Variants in TNFSF9 observed in about 807,000 individuals in gnomAD.
The protein encoded by TNFSF9 is TNF superfamily member 9, also known as tumor necrosis factor ligand superfamily member 9.
TNFSF9 carries 10 observed loss-of-function variants against 10.3 expected under a neutral mutation model. The ratio of observed to expected loss-of-function variants is 0.97; its 90% CI spans 0.60 to 1.65. The LOEUF (loss-of-function observed/expected upper bound fraction) is 1.65. Ranked by LOEUF, TNFSF9 falls within the 40% of genes most tolerant of loss-of-function variation. The pLI, the probability that TNFSF9 is intolerant of heterozygous loss-of-function variation, is 0.00. For missense variants in TNFSF9, 361 were observed against 348.9 expected (o/e 1.03, Z -0.28); for synonymous variants, 195 against 176.1 (o/e 1.11, Z -0.85).
intron 2 of TNFSF9, among the ~76,000 whole-genome samples, chr19:6,534,320 C>T (rs1212449694): frequency 6.6e-6 from 1 of 151,536 alleles, no homozygotes. Context: ...GATTCCCTTC[C>T]TCTGTTCTAT....
chr19:6,534,479 G>GC (rs928748874), intron 2 of TNFSF9, 121 bp from the exon 3 acceptor site: 11 of 178,276 alleles, frequency 6.2e-5, no homozygotes, highest in African/African-American at 1.3e-4. Flanking sequence ...GCCATTCCCC[G>GC]CCCCCCGGCC....
intron 1 of TNFSF9, among the ~76,000 whole-genome samples, 163 bp downstream of exon 1, chr19:6,531,466 C>CG (rs1322453024): frequency 6.6e-5 from 10 of 151,948 alleles, no homozygotes; most frequent in South Asian, 4.2e-4. Context: ...GCACCGAGGC[C>CG]GGGGGGGCAC....
rs1568421049 is a variant in TNFSF9 at position 6,534,993 on chromosome 19, G to A, written c.692G>A (p.Gly231Asp). Reference sequence around the variant, plus strand: ...CGCCATGCCTGGCAGCTTACCCAGGGCGCCACAGTCTTGGGACTCTTCCGG... The same window carrying A: ...CGCCATGCCTGGCAGCTTACCCAGGACGCCACAGTCTTGGGACTCTTCCGG... The part of the protein sequence containing the change: ...RARHAWQLTQ[G>D]ATVLGLFRVT... The change falls in exon 3 of 3, where the codon GGC becomes GAC. Residue 231 changes from glycine to aspartate, a missense_variant. Transcript: ENST00000245817. The A allele has an allele frequency of 1.2e-6, 2 of 1,610,080 alleles. No homozygotes were observed. Among genetic ancestry groups the A allele is most frequent in the Non-Finnish European group, 8.5e-7 (1 of 1,178,280 alleles).
intron 2 of TNFSF9, 101 bp from the exon 3 acceptor site, chr19:6,534,499 T>G: frequency 6.1e-4 from 447 of 734,204 alleles, no homozygotes; most frequent in Non-Finnish European, 7.6e-4. Context: ...CCCTGACCCG[T>G]TCTTTTCTCC....
At position 6,531,138 on chromosome 19, in the gene TNFSF9, G is replaced by C; in HGVS notation, c.102G>C (p.Gly34=). 3 of 1,574,372 alleles carry C rather than the reference G, an allele frequency of 1.9e-6. No individual in the cohort carries two copies. Among genetic ancestry groups the C allele is most frequent in the Non-Finnish European group, 1.7e-6 (2 of 1,162,288 alleles). ...CRVLPWALVA[G]LLLLLLLAAA... ...TACTGCCTTGGGCCCTGGTCGCGGG[G>C]CTGCTGCTGCTGCTGCTGCTCGCTG... Residue 34 remains glycine (G), a synonymous_variant, in exon 1 of 3, where the codon GGG becomes GGC. Coordinates refer to ENST00000245817, the MANE Select transcript of TNFSF9 (RefSeq NM_003811.4).
rs1915137030 is a variant in TNFSF9, at chr19:6,531,166, G to T, written c.130G>T (p.Ala44Ser). ...GLLLLLLLAA[A>S]CAVFLACPWA... ...GCTGCTGCTGCTGCTGCTCGCTGCC[G>T]CCTGCGCCGTCTTCCTCGCCTGCCC... The change falls in exon 1 of 3, where the codon GCC (alanine) becomes TCC (serine). Residue 44 changes from alanine to serine, a missense_variant. Physicochemically the swap from Ala to Ser is moderately conservative, Grantham distance 99. Transcript: ENST00000245817. 2 of 1,594,926 alleles carry T rather than the reference G, an allele frequency of 1.3e-6. No homozygotes were observed. Among genetic ancestry groups the T allele is most frequent in the African/African-American group, 1.4e-5 (1 of 73,470 alleles).
intron 2 of TNFSF9, among the ~76,000 whole-genome samples, chr19:6,534,187 C>A (rs1474828543): frequency 6.7e-6 from 1 of 150,346 alleles, no homozygotes; most frequent in Non-Finnish European, 1.5e-5. Context: ...GCCAGACTCG[C>A]CTGGCCTTTT....
intron 2 of TNFSF9, 51 bp downstream of exon 2, chr19:6,532,867 C>G (rs1461539669): frequency 6.2e-7 from 1 of 1,612,144 alleles, no homozygotes; most frequent in Non-Finnish European, 8.5e-7. Flanking sequence ...ATCCCCACCC[C>G]GGGATACGAA....
At chr19:6,531,328 A>C in intron 1 of TNFSF9, 25 bp downstream of exon 1, 1 of 1,449,984 alleles carries the variant, frequency 6.9e-7, no homozygotes, top group Non-Finnish European at 9.0e-7. Flanking sequence ...GACCCTCGGT[A>C]GCTGGTCTCG....
chr19:6,532,344 G>C (rs966863648), intron 1 of TNFSF9, among the ~76,000 whole-genome samples: 27 of 140,670 alleles, frequency 1.9e-4, no homozygotes, highest in African/African-American at 6.9e-4. Context: ...TGTTCGTGTG[G>C]GGGTGCGTAT....
At chr19:6,532,296 T>TGTGTGTGTGC (rs368974339) in intron 1 of TNFSF9, among the ~76,000 whole-genome samples, 1 of 146,054 alleles carries the variant, frequency 6.8e-6, no homozygotes, top group African/African-American at 2.7e-5. Flanking sequence ...TGTGTGTGTG[T>TGTGTGTGTGC]GTTCGTGTTT....
rs1459172758 is a variant in TNFSF9, at chr19:6,534,903, G to C, written c.602G>C (p.Gly201Ala). Residue 201 changes from glycine (G) to alanine (A), a missense_variant, in exon 3 of 3, where the codon GGC (glycine) becomes GCC (alanine). Gly to Ala is a moderately conservative substitution (Grantham distance 60). Coordinates refer to ENST00000245817, the MANE Select transcript of TNFSF9 (RefSeq NM_003811.4). The stretch of plus-strand genomic sequence containing the variant: ...CGGAACTCGGCCTTCGGTTTCCAGG[G>C]CCGCTTGCTGCACCTGAGTGCCGGC... ...EARNSAFGFQ[G>A]RLLHLSAGQR... The C allele has an allele frequency of 6.2e-7, 1 of 1,607,938 alleles. No homozygotes were observed. Among genetic ancestry groups the C allele is most frequent in the Non-Finnish European group, 8.5e-7 (1 of 1,179,214 alleles).
Position 6,534,829 on chromosome 19 carries a change from C to A in TNFSF9, c.528C>A (p.Ala176=). The change falls in exon 3 of 3, where the codon GCC becomes GCA. Residue 176 remains alanine (A), a synonymous_variant. Transcript: ENST00000245817. ...AGCCACTGCGCTCTGCTGCTGGGGC[C>A]GCCGCCCTGGCTTTGACCGTGGACC... is the stretch of plus-strand genomic sequence containing the variant. ...HLQPLRSAAG[A]AALALTVDLP... is the part of the protein sequence containing the mutation. 2.5e-6 allele frequency: 4 copies of A among 1,604,988 alleles called. No homozygotes were observed. Among genetic ancestry groups the A allele is most frequent in the Non-Finnish European group, 3.4e-6 (4 of 1,177,394 alleles).
chr19:6,531,046 G>GCCTC lies in TNFSF9; in HGVS notation c.11_14dup (p.Asp6LeufsTer2). ...CCCGCAGTCTCTCGTCATGGAATAC[G>GCCTC]CCTCTGACGCTTCACTGGACCCCGA... is the stretch of plus-strand genomic sequence containing the variant. On this transcript the variant is annotated frameshift_variant, in exon 1 of 3. Transcript: ENST00000245817. LOFTEE classifies it high-confidence loss of function. The GCCTC allele has an allele frequency of 6.2e-7, 1 of 1,609,586 alleles. No homozygotes were observed. The highest frequency in any genetic ancestry group is 8.5e-7 in the Non-Finnish European group (1 of 1,178,386).
At chr19:6,532,559 G>T (rs1009557374) in intron 1 of TNFSF9, among the ~76,000 whole-genome samples, 1 of 151,424 alleles carries the variant, frequency 6.6e-6, no homozygotes. Flanking sequence ...GTGTGTCTGT[G>T]TGTTAATGTG....
chr19:6,531,066 C>T lies in TNFSF9; in HGVS notation c.30C>T (p.Asp10=), dbSNP rs769782912. Residue 10 remains aspartate (D), a synonymous_variant, in exon 1 of 3, where the codon GAC becomes GAT. Transcript: ENST00000245817. ...AATACGCCTCTGACGCTTCACTGGA[C>T]CCCGAAGCCCCGTGGCCTCCCGCGC... MEYASDASL[D]PEAPWPPAPR... 7 of 1,611,106 alleles carry T rather than the reference C, an allele frequency of 4.3e-6. No individual in the cohort carries two copies. The highest frequency in any genetic ancestry group is 1.7e-5 in the Admixed American group (1 of 59,924).
At chr19:6,534,135 C>G (rs1201927257) in intron 2 of TNFSF9, among the ~76,000 whole-genome samples, 2 of 146,594 alleles carry the variant, frequency 1.4e-5, no homozygotes, top group Non-Finnish European at 3.0e-5. Context: ...CCCTCACCGC[C>G]CTCTCCAGGA....
chr19:6,535,869 T>C lies in TNFSF9; in HGVS notation c.*803T>C, dbSNP rs529681696. On this transcript the variant is annotated 3_prime_UTR_variant, in exon 3 of 3. Coordinates refer to ENST00000245817, the MANE Select transcript of TNFSF9 (RefSeq NM_003811.4). The stretch of plus-strand genomic sequence containing the variant: ...TTTTGCGGAGACGGTATTGCTATGT[T>C]GCCAAGGTTGTTTACATGCCAGTAC... The C allele has an allele frequency of 1.1e-4, 17 of 152,302 alleles. No homozygotes were observed. The highest frequency in any genetic ancestry group is 7.8e-4 in the Admixed American group (12 of 15,288). 9.4% of individuals were successfully genotyped at this position (152,302 alleles called of 1,614,324 possible).
At chr19:6,534,407 C>A (rs902858684) in intron 2 of TNFSF9, among the ~76,000 whole-genome samples, 193 bp from the exon 3 acceptor site, 2 of 121,410 alleles carry the variant, frequency 1.6e-5, no homozygotes, top group African/African-American at 5.7e-5. Context: ...TCAATCAGCA[C>A]CCCCCCAACG....
Sources: allele counts gnomAD v4.1 joint callset (sites outside exome capture counted in the v4.1 genomes callset), GRCh38; gene constraint gnomAD v4.1.1; transcripts MANE v1.5; gene names NCBI Gene and HGNC (gene_info 2026-07-23, HGNC 2026-07-21).